ME3: variants seen among roughly 807,000 people sequenced by gnomAD.
The protein encoded by ME3 is malic enzyme 3.
A neutral mutation model predicts 68.9 loss-of-function variants in ME3; 48 were observed. The observed-to-expected ratio is 0.70, with a 90% CI of 0.55 to 0.89. ME3 has a LOEUF of 0.89. ME3 is among the 40% of genes least tolerant of loss of function. The pLI, the probability that ME3 is intolerant of heterozygous loss-of-function variation, is 0.00. For synonymous variants in ME3, 320 were observed against 318.8 expected (o/e 1.00, Z -0.04); for missense variants, 675 against 797.4 (o/e 0.85, Z 1.85).
At chr11:86,602,081 A>G (rs1284974248) in intron 2 of ME3, among the ~76,000 whole-genome samples, 8 of 150,882 alleles carry the variant, frequency 5.3e-5, no homozygotes, top group Admixed American at 4.7e-4. Flanking sequence ...CCTATTCAAC[A>G]TAGTGTTGGA....
chr11:86,671,038 T>G (rs1946901134), intron 2 of ME3, among the ~76,000 whole-genome samples: 1 of 152,220 alleles, frequency 6.6e-6, no homozygotes, highest in Admixed American at 6.5e-5. Flanking sequence ...CTAAACTCTA[T>G]TCCCAAAAAC....
At chr11:86,597,322 C>T (rs1378471551) in intron 2 of ME3, among the ~76,000 whole-genome samples, 4 of 152,200 alleles carry the variant, frequency 2.6e-5, no homozygotes, top group East Asian at 1.9e-4. Context: ...ACAGTATCCC[C>T]GAGCAATGTG....
At chr11:86,560,600 C>G (rs982220472) in intron 2 of ME3, among the ~76,000 whole-genome samples, 3 of 151,282 alleles carry the variant, frequency 2.0e-5, no homozygotes, top group African/African-American at 7.3e-5. Context: ...AGTCAATGAA[C>G]CAGTAATGAT....
chr11:86,553,936 G>A (rs1408141999), intron 4 of ME3, among the ~76,000 whole-genome samples: 1 of 152,194 alleles, frequency 6.6e-6, no homozygotes, highest in Non-Finnish European at 1.5e-5. Flanking sequence ...AGATTGGCTT[G>A]GGCCCTGGCT....
chr11:86,625,616 C>A (rs374808141), intron 2 of ME3, among the ~76,000 whole-genome samples: 2 of 152,172 alleles, frequency 1.3e-5, no homozygotes, highest in South Asian at 2.1e-4. Context: ...TTATCCAGAG[C>A]CTTCTAAGTG....
chr11:86,582,780 C>T (rs570200706), intron 2 of ME3, among the ~76,000 whole-genome samples: 22 of 151,886 alleles, frequency 1.4e-4, no homozygotes, highest in Middle Eastern at 6.8e-3. Context: ...GAAAACCCCA[C>T]GGGAGTCCTG....
chr11:86,444,061 G>A (rs2138586223), intron 13 of ME3, among the ~76,000 whole-genome samples: 1 of 152,252 alleles, frequency 6.6e-6, no homozygotes, highest in East Asian at 1.9e-4. Flanking sequence ...GGTGTCAGTG[G>A]ACAAGTAACA....
intron 2 of ME3, among the ~76,000 whole-genome samples, chr11:86,591,380 G>A (rs902361964): frequency 3.9e-5 from 6 of 152,196 alleles, no homozygotes; most frequent in African/African-American, 1.2e-4. Flanking sequence ...ATTTAAAAAG[G>A]CAGTGGCATT....
chr11:86,610,784 T>G (rs1942513165), intron 2 of ME3, among the ~76,000 whole-genome samples: 1 of 152,180 alleles, frequency 6.6e-6, no homozygotes, highest in Non-Finnish European at 1.5e-5. Context: ...CTTTTGAGCT[T>G]TGGGAGAAAC....
chr11:86,560,742 GTGTGTGTA>G (rs1957176424), intron 2 of ME3, among the ~76,000 whole-genome samples: 4 of 58,330 alleles, frequency 6.9e-5, no homozygotes, highest in African/African-American at 2.2e-4. Context: ...GTGTGTGTGT[GTGTGTGTA>G]TATATATATA....
At chr11:86,664,323 G>C (rs1408734521) in intron 2 of ME3, among the ~76,000 whole-genome samples, 10 of 152,146 alleles carry the variant, frequency 6.6e-5, no homozygotes, top group Non-Finnish European at 1.5e-4. Flanking sequence ...TAACATTCAT[G>C]AGTATACAGT....
chr11:86,549,139 C>T (rs778208004), intron 4 of ME3, among the ~76,000 whole-genome samples: 1 of 152,240 alleles, frequency 6.6e-6, no homozygotes, highest in Admixed American at 6.5e-5. Flanking sequence ...ACAAGGGGAT[C>T]AGATCCACCT....
chr11:86,665,233 A>G lies in ME3; in HGVS notation c.183+6529T>C, dbSNP rs565491445. Among the ~76,000 whole-genome samples the G allele has an allele frequency of 4.7e-4, 71 of 152,368 alleles. 1 individual carries two copies. In the South Asian group the frequency reaches 0.015, roughly 32 times the overall value. ...ACAGACAATAAGCAATAGACATACT[A>G]AGTAAGCAGTTAGATAGCATATGAG... On this transcript the variant is annotated intron_variant, in intron 2 of 14. Coordinates refer to ENST00000543262, the Ensembl canonical transcript of ME3.
At position 86,441,457 on chromosome 11, in the gene ME3, T is replaced by C. The variant is rs764041412; in HGVS notation, c.1654-17A>G. 1 of 1,571,686 alleles carries C rather than the reference T, an allele frequency of 6.4e-7. No individual in the cohort carries two copies. The highest frequency in any genetic ancestry group is 1.2e-5 in the South Asian group (1 of 82,564). ...GTCGAGAACCTAGAGAAAAACATGT[T>C]TGGCTAAGGAACCGGATCTAAGGGG... On this transcript the variant is annotated splice_polypyrimidine_tract_variant and intron_variant, in intron 14 of 14. Transcript: ENST00000543262.
intron 2 of ME3, among the ~76,000 whole-genome samples, chr11:86,572,727 C>G (rs1425412474): frequency 3.3e-5 from 5 of 152,140 alleles, no homozygotes; most frequent in Non-Finnish European, 5.9e-5. Context: ...GTAAATGGTG[C>G]TGCAATAAAC....
intron 5 of ME3, among the ~76,000 whole-genome samples, chr11:86,505,824 A>T (rs1953035807): frequency 1.3e-5 from 2 of 152,266 alleles, no homozygotes; most frequent in South Asian, 4.1e-4. Flanking sequence ...GCTGGGACTG[A>T]TCTCCAGGTT....
In ME3 at chr11:86,560,203, C is replaced by T. The variant is rs996321067; in HGVS notation, c.184-380G>A. ...GTGTTGAGGGAGGGCCCTGGTGGGACGTGATTGGATCACAGGGGCAGTTTT... is the reference window on the plus strand; with the variant it reads ...GTGTTGAGGGAGGGCCCTGGTGGGATGTGATTGGATCACAGGGGCAGTTTT... On this transcript the variant is annotated intron_variant, in intron 2 of 14. Transcript: ENST00000543262. 4.6e-5 allele frequency among the ~76,000 whole-genome samples: 7 copies of T among 152,060 alleles called. No individual in the cohort carries two copies. In the East Asian group the frequency reaches 5.8e-4, roughly 13 times the overall value.
downstream of ME3, among the ~76,000 whole-genome samples, chr11:86,438,239 GA>G (rs1948908168): frequency 6.6e-6 from 1 of 151,884 alleles, no homozygotes; most frequent in African/African-American, 2.4e-5. Flanking sequence ...ATGATCATAT[GA>G]TTTTTTTGTC....
At chr11:86,556,635 C>T (rs1281451705) in exon 4 of ME3, 15 of 1,614,002 alleles carry the variant, frequency 9.3e-6, no homozygotes, top group South Asian at 1.1e-5. Context: ...AACTTCTCCA[C>T]GTCCGAAGTC....
Sources: allele counts gnomAD v4.1 joint callset (sites outside exome capture counted in the v4.1 genomes callset), GRCh38; gene constraint gnomAD v4.1.1; transcripts MANE v1.5; gene names NCBI Gene and HGNC (gene_info 2026-07-23, HGNC 2026-07-21).